Variants in ITPR2 observed in about 807,000 individuals in gnomAD.
The protein encoded by ITPR2 is inositol 1,4,5-trisphosphate-gated calcium channel ITPR2.
In ITPR2, 207 loss-of-function variants were observed where a neutral mutation model predicts 317.1. The ratio of observed to expected loss-of-function variants is 0.65; its 90% CI spans 0.58 to 0.73. The LOEUF (loss-of-function observed/expected upper bound fraction) is 0.73. ITPR2 is among the 30% of genes least tolerant of loss of function. ITPR2 has a pLI of 0.00. For missense variants in ITPR2, 2,613 were observed against 3,284.0 expected, an observed-to-expected ratio of 0.80 and a Z score of 4.99; for synonymous variants, 1,156 against 1,149.1, an observed-to-expected ratio of 1.01 and a Z score of -0.12.
Position 26,597,045 on chromosome 12 carries a change from G to GTC in ITPR2, c.4090_4091dup (p.Asp1364GlufsTer10). On this transcript the variant is annotated frameshift_variant, in exon 31 of 57. Transcript: ENST00000381340. LOFTEE classifies it high-confidence loss of function. ...CTAAGGGGCCACTCTCATCCCCTCGGTCTCTCTCTGAACACATCATATGGA... is the reference window on the plus strand; with the variant it reads ...CTAAGGGGCCACTCTCATCCCCTCGGTCTCTCTCTCTGAACACATCATATGGA... 1 of 1,614,056 alleles carries GTC rather than the reference G, an allele frequency of 6.2e-7. No homozygotes were observed. The highest frequency in any genetic ancestry group is 8.5e-7 in the Non-Finnish European group (1 of 1,180,010).
At chr12:26,595,136 G>A (rs1430914799) in intron 32 of ITPR2, among the ~76,000 whole-genome samples, 1 of 152,168 alleles carries the variant, frequency 6.6e-6, no homozygotes, top group East Asian at 1.9e-4. Context: ...TAGAATAAGA[G>A]ATTAAATGCA....
At chr12:26,826,565 C>T (rs1951011944) in intron 1 of ITPR2, among the ~76,000 whole-genome samples, 1 of 152,068 alleles carries the variant, frequency 6.6e-6, no homozygotes. Flanking sequence ...ATAAGGGCTC[C>T]AATCCTCTGT....
chr12:26,541,007 A>T (rs2017510), intron 37 of ITPR2, among the ~76,000 whole-genome samples: 85,925 of 151,974 alleles, frequency 0.57, 28,235 homozygotes, highest in Non-Finnish European at 0.76. Flanking sequence ...GACATAGCAC[A>T]TGTGTTAAAA....
intron 37 of ITPR2, among the ~76,000 whole-genome samples, chr12:26,510,294 CCTT>C (rs1248019542): frequency 4.6e-5 from 7 of 152,166 alleles, no homozygotes; most frequent in Non-Finnish European, 1.0e-4. Flanking sequence ...TCCTTTTACT[CCTT>C]CTCATAAAAT....
chr12:26,639,487 T>G (rs975167919), intron 21 of ITPR2, among the ~76,000 whole-genome samples: 1 of 151,916 alleles, frequency 6.6e-6, no homozygotes, highest in Admixed American at 6.6e-5. Flanking sequence ...TTTTAAATTA[T>G]ACTTTAAGTT....
chr12:26,356,762 G>C (rs1938653561), intron 55 of ITPR2, among the ~76,000 whole-genome samples: 1 of 152,162 alleles, frequency 6.6e-6, no homozygotes, highest in Non-Finnish European at 1.5e-5. Flanking sequence ...GCCCAGGCTG[G>C]TCTCCAACTC....
chr12:26,733,718 A>G (rs930194332), intron 2 of ITPR2, among the ~76,000 whole-genome samples: 1 of 152,186 alleles, frequency 6.6e-6, no homozygotes, highest in African/African-American at 2.4e-5. Flanking sequence ...TATTCTTGTC[A>G]AGGTTTGAAT....
chr12:26,348,832 T>TA (rs1938387779), intron 55 of ITPR2, among the ~76,000 whole-genome samples: 1 of 152,052 alleles, frequency 6.6e-6, no homozygotes, highest in Non-Finnish European at 1.5e-5. Flanking sequence ...TACTAAAAAT[T>TA]AAAAAATTAA....
intron 45 of ITPR2, among the ~76,000 whole-genome samples, chr12:26,472,460 T>A (rs1443953976): frequency 6.6e-6 from 1 of 152,154 alleles, no homozygotes; most frequent in Non-Finnish European, 1.5e-5. Flanking sequence ...TACAAATCAT[T>A]GCTTTTCCAA....
At chr12:26,651,010 C>T (rs538498541) in intron 21 of ITPR2, among the ~76,000 whole-genome samples, 8 of 152,234 alleles carry the variant, frequency 5.3e-5, no homozygotes, top group East Asian at 1.9e-4. Context: ...CATTTGCTTT[C>T]GTGGTTCCTC....
chr12:26,777,709 A>G (rs1950000424), intron 2 of ITPR2, among the ~76,000 whole-genome samples: 1 of 152,122 alleles, frequency 6.6e-6, no homozygotes, highest in African/African-American at 2.4e-5. Context: ...ACAGAGATTC[A>G]TGGCCCTTCA....
At chr12:26,447,901 C>G (rs1047959837) in intron 45 of ITPR2, among the ~76,000 whole-genome samples, 2 of 151,690 alleles carry the variant, frequency 1.3e-5, no homozygotes, top group Non-Finnish European at 2.9e-5. Context: ...AATGAATGCA[C>G]TGCCAACCAA....
intron 45 of ITPR2, among the ~76,000 whole-genome samples, chr12:26,465,101 A>G (rs959816670): frequency 2.0e-5 from 3 of 152,200 alleles, no homozygotes; most frequent in Non-Finnish European, 4.4e-5. Flanking sequence ...TCAGGGAGTG[A>G]GCGTCGATTA....
At chr12:26,521,922 CA>C (rs1368242793) in intron 37 of ITPR2, among the ~76,000 whole-genome samples, 1 of 152,210 alleles carries the variant, frequency 6.6e-6, no homozygotes, top group Non-Finnish European at 1.5e-5. Context: ...AAAGTTACTC[CA>C]GCTAGCATCA....
intron 32 of ITPR2, among the ~76,000 whole-genome samples, chr12:26,591,079 CAAAAAAAAAAA>C (rs34387951): frequency 4.6e-5 from 2 of 43,408 alleles, no homozygotes; most frequent in Admixed American, 3.5e-4. Context: ...GACTCCATCT[CAAAAAAAAAAA>C]AAAAAAAAAA....
chr12:26,339,304 A>T lies in ITPR2; in HGVS notation c.*93T>A, dbSNP rs957061346. ...CTTGGTTGTTTTTAACTTTTCAACA[A>T]TAGGCACTGTTCACTCCCCTCCATC... is the stretch of plus-strand genomic sequence containing the variant. On this transcript the variant is annotated 3_prime_UTR_variant, in exon 57 of 57. Coordinates refer to ENST00000381340, the MANE Select transcript of ITPR2 (RefSeq NM_002223.4). 4.7e-6 allele frequency: 5 copies of T among 1,073,614 alleles called. No homozygotes were observed. In the African/African-American group the frequency reaches 7.8e-5, roughly 17 times the overall value. The allele number at this position is 1,073,614 out of a possible 1,614,324, so 66.5% of individuals were successfully genotyped here.
intron 52 of ITPR2, among the ~76,000 whole-genome samples, chr12:26,406,026 T>C (rs191191416): frequency 0.011 from 1,646 of 152,194 alleles, 16 homozygotes; most frequent in Non-Finnish European, 0.016. Context: ...AATCAATTCA[T>C]TGGTGGAAAT....
At chr12:26,657,592 G>C (rs1947399945) in intron 18 of ITPR2, 115 bp downstream of exon 18, 1 of 774,328 alleles carries the variant, frequency 1.3e-6, no homozygotes. Context: ...CCCTAGTTCT[G>C]ACATGACTTT....
At chr12:26,633,230 T>C (rs1422440516) in intron 21 of ITPR2, among the ~76,000 whole-genome samples, 1 of 149,580 alleles carries the variant, frequency 6.7e-6, no homozygotes, top group Non-Finnish European at 1.5e-5. Context: ...AAAAAGAAAA[T>C]ATGTAAAAGA....
Sources: allele counts gnomAD v4.1 joint callset (sites outside exome capture counted in the v4.1 genomes callset), GRCh38; gene constraint gnomAD v4.1.1; transcripts MANE v1.5; gene names NCBI Gene and HGNC (gene_info 2026-07-23, HGNC 2026-07-21).